CSNK1G2: variants seen among roughly 807,000 people sequenced by gnomAD.
CSNK1G2 encodes casein kinase I isoform gamma-2.
CSNK1G2 carries 11 observed loss-of-function variants against 48.0 expected under a neutral mutation model. The observed-to-expected ratio is 0.23, with a 90% CI of 0.14 to 0.38. CSNK1G2 has a LOEUF of 0.38. Ranked by LOEUF, CSNK1G2 falls within the 10% of genes least tolerant of loss-of-function variation. The pLI is 1.00. For missense variants in CSNK1G2, 446 were observed against 595.5 expected (o/e 0.75, Z 2.61); for synonymous variants, 337 against 254.1 (o/e 1.33, Z -3.10).
At chr19:1,944,591 C>T (rs1445376157) in intron 1 of CSNK1G2, among the ~76,000 whole-genome samples, 1 of 152,110 alleles carries the variant, frequency 6.6e-6, no homozygotes, top group Non-Finnish European at 1.5e-5. Context: ...CCTTCCCCAT[C>T]CTCTCTGCTG....
intron 1 of CSNK1G2, among the ~76,000 whole-genome samples, chr19:1,969,176 C>T (rs1028626705): frequency 3.3e-5 from 5 of 152,150 alleles, no homozygotes; most frequent in African/African-American, 1.2e-4. Context: ...AGGGCTTCTA[C>T]CCGGGATTGG....
chr19:1,948,669 C>T (rs931695126), intron 1 of CSNK1G2, among the ~76,000 whole-genome samples: 6 of 152,000 alleles, frequency 3.9e-5, no homozygotes, highest in African/African-American at 7.2e-5. Flanking sequence ...TGGTAAAATT[C>T]GGCAACGTGT....
chr19:1,953,273 G>A (rs772872707), intron 1 of CSNK1G2: 8 of 438,224 alleles, frequency 1.8e-5, no homozygotes, highest in Non-Finnish European at 3.3e-5. Context: ...GCAAGACCAG[G>A]TCAGCTCTGC....
chr19:1,979,326 C>A lies in CSNK1G2; in HGVS notation c.776C>A (p.Thr259Lys), dbSNP rs1380824177. The A allele has an allele frequency of 6.2e-6, 10 of 1,601,706 alleles. No homozygotes were observed. Among genetic ancestry groups the A allele is most frequent in the Non-Finnish European group, 8.5e-6 (10 of 1,175,522 alleles). ...GACCACAGACCCCCGCAGGCCGACA[C>A]GCTCAAGGAGCGGTACCAGAAGATC... ...SLPWQGLKAD[T>K]LKERYQKIGD... The change falls in exon 8 of 12, where the codon ACG becomes AAG. Residue 259 changes from threonine (T) to lysine (K), a missense_variant. Transcript: ENST00000255641.
chr19:1,964,616 C>T (rs1325103382), intron 1 of CSNK1G2, among the ~76,000 whole-genome samples: 5 of 152,100 alleles, frequency 3.3e-5, no homozygotes, highest in Non-Finnish European at 4.4e-5. Context: ...CTACTCTGTG[C>T]TCTATAAATA....
chr19:1,960,986 C>T (rs1313792100), intron 1 of CSNK1G2, among the ~76,000 whole-genome samples: 1 of 152,232 alleles, frequency 6.6e-6, no homozygotes, highest in Non-Finnish European at 1.5e-5. Flanking sequence ...GTGCTGGTGG[C>T]TCATCCAGGT....
intron 1 of CSNK1G2, among the ~76,000 whole-genome samples, chr19:1,960,875 C>T (rs920992932): frequency 5.3e-5 from 8 of 152,178 alleles, no homozygotes; most frequent in African/African-American, 1.7e-4. Flanking sequence ...GGCGACAGAG[C>T]GAGACTCTGT....
Position 1,980,490 on chromosome 19 carries a change from C to T in CSNK1G2, c.*287C>T. 2.1e-6 allele frequency: 1 copy of T among 485,906 alleles called. No homozygotes were observed. Among genetic ancestry groups the T allele is most frequent in the South Asian group, 2.2e-5 (1 of 44,824 alleles). The allele number at this position is 485,906 out of a possible 1,614,324, so 30.1% of individuals were successfully genotyped here. On this transcript the variant is annotated 3_prime_UTR_variant, in exon 12 of 12. Transcript: ENST00000255641. ...GAAAAGAGGAAAAAAAAAACAGAGG[C>T]CCGCCCTACCCCACTCCTGCCCCTC...
rs1222673888 is a variant in CSNK1G2, at chr19:1,969,937, C to T, written c.165C>T (p.Gly55=). 3 of 1,310,314 alleles carry T rather than the reference C, an allele frequency of 2.3e-6. No homozygotes were observed. Among genetic ancestry groups the T allele is most frequent in the Non-Finnish European group, 9.8e-7 (1 of 1,022,088 alleles). The allele number at this position is 1,310,314 out of a possible 1,614,324, so 81.2% of individuals were successfully genotyped here. ...GCGTCGGCAAGAAGATCGGCTGCGG[C>T]AACTTCGGGGAGCTCCGCCTAGGTG... ...NFRVGKKIGC[G]NFGELRLGKN... The change falls in exon 2 of 12, where the codon GGC becomes GGT. Residue 55 remains glycine (G), a synonymous_variant. Transcript: ENST00000255641.
chr19:1,943,329 C>T (rs1041347413), intron 1 of CSNK1G2, among the ~76,000 whole-genome samples: 1 of 152,104 alleles, frequency 6.6e-6, no homozygotes, highest in Non-Finnish European at 1.5e-5. Flanking sequence ...GGGAGCAGCG[C>T]CTCATTGCCT....
At chr19:1,967,049 C>T (rs1267352382) in intron 1 of CSNK1G2, among the ~76,000 whole-genome samples, 1 of 90,306 alleles carries the variant, frequency 1.1e-5, no homozygotes, top group Non-Finnish European at 1.9e-5. Flanking sequence ...TAAAGTGTGT[C>T]CTTTGATTAG....
intron 1 of CSNK1G2, chr19:1,953,950 T>C (rs1272445467): frequency 1.9e-6 from 1 of 533,794 alleles, no homozygotes; most frequent in East Asian, 5.4e-5. Flanking sequence ...TGAGGTTGGC[T>C]TCTGCCATGG....
At chr19:1,960,154 C>T (rs1174925378) in intron 1 of CSNK1G2, among the ~76,000 whole-genome samples, 1 of 152,204 alleles carries the variant, frequency 6.6e-6, no homozygotes. Context: ...TCTGCGTCAG[C>T]ACAGGGGCGT....
intron 1 of CSNK1G2, among the ~76,000 whole-genome samples, 199 bp downstream of exon 1, chr19:1,941,617 CCG>C (rs1234152841): frequency 2.1e-5 from 3 of 144,514 alleles, no homozygotes; most frequent in Non-Finnish European, 4.5e-5. Flanking sequence ...CAGGGCCCCA[CCG>C]CCGCAACACC....
rs34956563 is a variant in CSNK1G2, at chr19:1,957,032, G to T, written c.-265-12476G>T. Among the ~76,000 whole-genome samples the T allele has an allele frequency of 0.023, 3,507 of 152,264 alleles. 61 individuals carry two copies. The highest frequency in any genetic ancestry group is 0.044 in the Middle Eastern group (13 of 294). ...CTGCAGAGGGAAGGCTGGTGGTGGC[G>T]CCCCCCTTCGACGGTCGTGCCCTGA... On this transcript the variant is annotated intron_variant, in intron 1 of 11. Coordinates refer to ENST00000255641, the MANE Select transcript of CSNK1G2 (RefSeq NM_001319.7). This position sits in a 1 kb window ranked among gnomAD's most constrained non-coding sequence, Gnocchi z 5.4.
chr19:1,975,144 A>G (rs2015709569), intron 2 of CSNK1G2: 1 of 985,312 alleles, frequency 1.0e-6, no homozygotes, highest in Non-Finnish European at 1.2e-6. Context: ...CCCCATCACC[A>G]TCAGATGCAT....
chr19:1,950,285 A>G (rs60610826), intron 1 of CSNK1G2, among the ~76,000 whole-genome samples: 3,386 of 151,234 alleles, frequency 0.022, 68 homozygotes, highest in Middle Eastern at 0.055. Context: ...GACTACAGGC[A>G]CCCGCCACCA....
chr19:1,961,353 C>T (rs567223670), intron 1 of CSNK1G2, among the ~76,000 whole-genome samples: 64 of 152,350 alleles, frequency 4.2e-4, no homozygotes, highest in Non-Finnish European at 6.0e-4. Context: ...TACACAGAGG[C>T]GTTGGGTGGA....
In CSNK1G2 at chr19:1,969,863, C is replaced by T; in HGVS notation, c.91C>T (p.Arg31Trp). The change falls in exon 2 of 12, where the codon CGG becomes TGG. Residue 31 changes from arginine (R) to tryptophan (W), a missense_variant. Transcript: ENST00000255641. The stretch of plus-strand genomic sequence containing the variant: ...CGGGGGCCGGAGCAGCCACGGCATC[C>T]GGAGCTCGGGGACCAGCTCGGGGGT... ...AGGGRSSHGI[R>W]SSGTSSGVLM... is the part of the protein sequence containing the mutation. The T allele has an allele frequency of 7.6e-7, 1 of 1,311,722 alleles. No individual in the cohort carries two copies. Among genetic ancestry groups the T allele is most frequent in the Non-Finnish European group, 9.8e-7 (1 of 1,021,504 alleles). 81.3% of individuals were successfully genotyped at this position (1,311,722 alleles called of 1,614,324 possible).
Sources: gnomAD v4.1 joint callset for allele counts (sites outside exome capture counted in the v4.1 genomes callset) on GRCh38, gnomAD v4.1.1 for gene constraint, Gnocchi (gnomAD v3.1) non-coding constraint, MANE v1.5 for transcripts, NCBI Gene and HGNC (gene_info 2026-07-23, HGNC 2026-07-21) for gene names.